RERE: variants seen among roughly 807,000 people sequenced by gnomAD.
The protein encoded by RERE is arginine-glutamic acid dipeptide repeats.
In RERE, 40 loss-of-function variants were observed where a neutral mutation model predicts 146.1. That is an observed-to-expected ratio of 0.27 (90% CI 0.21 to 0.36). The LOEUF (loss-of-function observed/expected upper bound fraction) is 0.36, where lower values mean the gene tolerates loss of function less well. Ranked by LOEUF, RERE falls within the 10% of genes least tolerant of loss-of-function variation. The pLI, the probability that RERE is intolerant of heterozygous loss-of-function variation, is 1.00. For missense variants in RERE, 1,933 were observed against 2,138.7 expected (o/e 0.90, Z 1.90); for synonymous variants, 1,003 against 866.0 (o/e 1.16, Z -2.78).
chr1:8,702,113 A>T, intron 1 of RERE, among the ~76,000 whole-genome samples: 1 of 151,720 alleles, frequency 6.6e-6, no homozygotes, highest in East Asian at 1.9e-4. Context: ...TAATTTTGGC[A>T]CAGAATTGTG....
chr1:8,678,003 T>C (rs553663282), intron 1 of RERE, among the ~76,000 whole-genome samples: 1 of 152,232 alleles, frequency 6.6e-6, no homozygotes, highest in Non-Finnish European at 1.5e-5. Context: ...TTGTTTGTTC[T>C]ACTCAAGAAG....
intron 1 of RERE, among the ~76,000 whole-genome samples, chr1:8,733,044 A>C (rs1355514109): frequency 6.6e-6 from 1 of 151,750 alleles, no homozygotes; most frequent in South Asian, 2.1e-4. Context: ...GATGGTCTCA[A>C]TCTCCTGACC....
At chr1:8,623,124 T>C (rs1349393173) in intron 3 of RERE, among the ~76,000 whole-genome samples, 4 of 152,174 alleles carry the variant, frequency 2.6e-5, no homozygotes, top group East Asian at 3.9e-4. Context: ...GTATTTCAAA[T>C]ACCAATTGTT....
intron 3 of RERE, among the ~76,000 whole-genome samples, chr1:8,621,945 CTGT>C (rs1396863640): frequency 6.6e-6 from 1 of 152,208 alleles, no homozygotes; most frequent in African/African-American, 2.4e-5. Flanking sequence ...ATTTCATCAT[CTGT>C]TGTTCTTACA....
intron 1 of RERE, among the ~76,000 whole-genome samples, chr1:8,718,177 C>A (rs566757272): frequency 5.3e-5 from 8 of 152,294 alleles, no homozygotes; most frequent in Non-Finnish European, 8.8e-5. Context: ...AGAGCAAGCA[C>A]AATGTATGAA....
intron 10 of RERE, among the ~76,000 whole-genome samples, chr1:8,478,739 C>A (rs560307379): frequency 1.3e-5 from 2 of 152,218 alleles, no homozygotes; most frequent in East Asian, 3.9e-4. Flanking sequence ...TTATCCCAGG[C>A]CAGCTCAAAG....
intron 1 of RERE, among the ~76,000 whole-genome samples, chr1:8,764,389 T>TA (rs1235630563): frequency 1.3e-5 from 2 of 152,124 alleles, no homozygotes; most frequent in Middle Eastern, 3.4e-3. Flanking sequence ...GGGTACTAAC[T>TA]CCAAGACAGA....
intron 12 of RERE, among the ~76,000 whole-genome samples, chr1:8,369,934 A>C (rs963945792): frequency 2.0e-4 from 30 of 151,740 alleles, no homozygotes; most frequent in Admixed American, 1.5e-3. Flanking sequence ...GGACTACAGG[A>C]GCCCGCCACC....
Position 8,361,906 on chromosome 1 carries a change from C to G in RERE, c.1903-30G>C, listed in dbSNP as rs74568545. 7.6e-3 allele frequency: 11,546 copies of G among 1,517,096 alleles called. 756 individuals are homozygous for G. The African/African-American group carries it at 0.14, about 18-fold the overall frequency. The allele number at this position is 1,517,096 out of a possible 1,614,324, so 94.0% of individuals were successfully genotyped here. A position where few individuals can be genotyped will look rare whatever the true frequency, so the allele number is the denominator to read the frequency against. ...AGGGGAAAAGCCCACAAGGAGCAAT[C>G]AGGCCAAGGGAGACCATCCCATCAG... On this transcript the variant is annotated intron_variant, in intron 16 of 22. Transcript: ENST00000400908.
At chr1:8,366,467 A>C (rs1477658106) in intron 12 of RERE, among the ~76,000 whole-genome samples, 1 of 152,200 alleles carries the variant, frequency 6.6e-6, no homozygotes, top group Non-Finnish European at 1.5e-5. Flanking sequence ...CCCCAGAAAC[A>C]ACCAACCAAC....
chr1:8,403,947 T>C (rs1266485186), intron 12 of RERE, among the ~76,000 whole-genome samples: 1 of 147,448 alleles, frequency 6.8e-6, no homozygotes, highest in African/African-American at 2.5e-5. Flanking sequence ...TCTCCTGCCT[T>C]AGCCACCTGA....
At chr1:8,403,327 G>T (rs1643327356) in intron 12 of RERE, among the ~76,000 whole-genome samples, 1 of 151,904 alleles carries the variant, frequency 6.6e-6, no homozygotes, top group South Asian at 2.1e-4. Flanking sequence ...ACATGTGTGG[G>T]TTTGTGTATT....
At position 8,577,426 on chromosome 1, in the gene RERE, T is replaced by C. The variant is rs545429594; in HGVS notation, c.523-19903A>G. 5.3e-5 allele frequency among the ~76,000 whole-genome samples: 8 copies of C among 152,298 alleles called. No homozygotes were observed. The South Asian group carries it at 1.5e-3, about 28-fold the overall frequency. On this transcript the variant is annotated intron_variant, in intron 4 of 22. Coordinates refer to ENST00000400908, the MANE Select transcript of RERE (RefSeq NM_001042681.2). ...ATTGGAACCTGCATCAGCCATATAC[T>C]GTTAAGAGAATAAAACGGAACAGAA... is the stretch of plus-strand genomic sequence containing the variant.
chr1:8,711,216 A>G (rs898083883), intron 1 of RERE, among the ~76,000 whole-genome samples: 1 of 149,888 alleles, frequency 6.7e-6, no homozygotes, highest in Non-Finnish European at 1.5e-5. Context: ...ATAAGTATTT[A>G]AAGTATTATA....
chr1:8,705,912 C>T (rs1414657309), intron 1 of RERE, among the ~76,000 whole-genome samples: 1 of 151,978 alleles, frequency 6.6e-6, no homozygotes, highest in Admixed American at 6.6e-5. Context: ...GTCAGGAGAT[C>T]GAGACCATCC....
intron 12 of RERE, among the ~76,000 whole-genome samples, chr1:8,369,038 A>C (rs1641926400): frequency 1.3e-5 from 2 of 152,208 alleles, no homozygotes; most frequent in African/African-American, 4.8e-5. Context: ...TCTACAAAAA[A>C]GTTTAAAAAA....
intron 1 of RERE, among the ~76,000 whole-genome samples, chr1:8,687,858 T>C (rs1639125330): frequency 6.6e-6 from 1 of 152,232 alleles, no homozygotes; most frequent in Admixed American, 6.5e-5. Context: ...ACATCTTATA[T>C]TCTTATTCAC....
chr1:8,525,949 A>G, intron 7 of RERE: 1 of 1,343,256 alleles, frequency 7.4e-7, no homozygotes, highest in Non-Finnish European at 9.5e-7. Context: ...CTTCACGCAG[A>G]ACGCAGAAAC....
intron 10 of RERE, among the ~76,000 whole-genome samples, chr1:8,481,644 A>G (rs1644835506): frequency 6.6e-6 from 1 of 152,232 alleles, no homozygotes; most frequent in South Asian, 2.1e-4. Context: ...AATACATTTC[A>G]ATTTTATAAT....
Sources: allele counts gnomAD v4.1 joint callset (sites outside exome capture counted in the v4.1 genomes callset), GRCh38; gene constraint gnomAD v4.1.1; transcripts MANE v1.5; gene names NCBI Gene and HGNC (gene_info 2026-07-23, HGNC 2026-07-21).